Variants in PTPRN2 observed in about 807,000 individuals in gnomAD.
PTPRN2 encodes protein tyrosine phosphatase receptor type N2.
A neutral mutation model predicts 118.8 loss-of-function variants in PTPRN2; 74 were observed. That is an observed-to-expected ratio of 0.62 (90% CI 0.52 to 0.76). The LOEUF (loss-of-function observed/expected upper bound fraction) is 0.76. Ranked by LOEUF, PTPRN2 falls within the 30% of genes least tolerant of loss-of-function variation. PTPRN2 has a pLI of 0.00. For missense variants in PTPRN2, 1,481 were observed against 1,394.4 expected (o/e 1.06, Z -0.99); for synonymous variants, 641 against 608.0 (o/e 1.05, Z -0.80).
intron 12 of PTPRN2, among the ~76,000 whole-genome samples, chr7:157,782,347 T>C (rs1803731046): frequency 6.6e-6 from 1 of 152,220 alleles, no homozygotes; most frequent in Admixed American, 6.5e-5. Flanking sequence ...TTGGGATGCA[T>C]GCAGTGCCAG....
At chr7:157,647,010 T>C (rs1342680190) in intron 14 of PTPRN2, among the ~76,000 whole-genome samples, 27 of 109,006 alleles carry the variant, frequency 2.5e-4, no homozygotes, top group Middle Eastern at 8.2e-3. Flanking sequence ...TCGGACCCAT[T>C]CACTGTGCAC....
chr7:157,876,787 G>A (rs1474452015), intron 12 of PTPRN2, among the ~76,000 whole-genome samples: 1 of 152,224 alleles, frequency 6.6e-6, no homozygotes, highest in African/African-American at 2.4e-5. Context: ...GGAAGGTCGG[G>A]GCAGCTGCTG....
chr7:158,381,391 C>G (rs1293463833), intron 2 of PTPRN2, among the ~76,000 whole-genome samples: 1 of 152,202 alleles, frequency 6.6e-6, no homozygotes, highest in East Asian at 1.9e-4. Context: ...ATGTCTAGGA[C>G]AGGGGCAAAA....
intron 11 of PTPRN2, among the ~76,000 whole-genome samples, chr7:157,967,303 C>T (rs1350075431): frequency 6.6e-6 from 1 of 152,192 alleles, no homozygotes; most frequent in African/African-American, 2.4e-5. Flanking sequence ...GAGTGAGACC[C>T]TATCTCTTCA....
chr7:157,635,927 T>C (rs2150681542), intron 14 of PTPRN2, among the ~76,000 whole-genome samples: 1 of 152,374 alleles, frequency 6.6e-6, no homozygotes, highest in South Asian at 2.1e-4. Flanking sequence ...AAATATTCAT[T>C]CACTTTCAAA....
intron 2 of PTPRN2, among the ~76,000 whole-genome samples, chr7:158,336,930 T>C (rs1484683620): frequency 9.7e-6 from 1 of 103,348 alleles, no homozygotes. Context: ...CAGACGTCAC[T>C]CACACCCACA....
rs73729678 is a variant in PTPRN2 at position 158,526,890 on chromosome 7, T to C, written c.113-37105A>G. On this transcript the variant is annotated intron_variant, in intron 1 of 22. Transcript: ENST00000389418. This position sits in a 1 kb window ranked among gnomAD's most constrained non-coding sequence, Gnocchi z 5.2. The stretch of plus-strand genomic sequence containing the variant: ...CTGTTGTTTGCTAAGCCGCCTGGTT[T>C]GTGGGGGTTTGTTAGGGAGACTGAG... Among the ~76,000 whole-genome samples, 5,413 of 152,204 alleles carry C rather than the reference T, an allele frequency of 0.036. 314 individuals carry two copies. The highest frequency in any genetic ancestry group is 0.12 in the African/African-American group (4,897 of 41,502).
At chr7:157,848,124 CATCAT>C (rs1338179696) in intron 12 of PTPRN2, among the ~76,000 whole-genome samples, 1 of 148,990 alleles carries the variant, frequency 6.7e-6, no homozygotes, top group Non-Finnish European at 1.5e-5. Flanking sequence ...TCTTTCATTA[CATCAT>C]GTGTGCCTGA....
Position 157,880,358 on chromosome 7 carries a change from G to A in PTPRN2, c.1788+18315C>T, listed in dbSNP as rs112681198. On this transcript the variant is annotated intron_variant, in intron 12 of 22. Transcript: ENST00000389418. ...AAAGGCTTCTATCAGGAAATACATCGCAAAGGAAAAGACAACACTGCCAAA... is the reference window on the plus strand; with the variant it reads ...AAAGGCTTCTATCAGGAAATACATCACAAAGGAAAAGACAACACTGCCAAA... Among the ~76,000 whole-genome samples, 1,166 of 152,270 alleles carry A rather than the reference G, an allele frequency of 7.7e-3. 15 individuals carry two copies. The highest frequency in any genetic ancestry group is 0.025 in the African/African-American group (1,029 of 41,560).
intron 12 of PTPRN2, among the ~76,000 whole-genome samples, chr7:157,803,423 G>A (rs942438782): frequency 1.3e-5 from 2 of 152,192 alleles, no homozygotes; most frequent in African/African-American, 4.8e-5. Context: ...TGCTGATGCA[G>A]GAGCTCACTG....
chr7:158,070,957 T>A (rs1340299302), intron 11 of PTPRN2, among the ~76,000 whole-genome samples: 1 of 100,776 alleles, frequency 9.9e-6, no homozygotes, highest in African/African-American at 4.6e-5. Flanking sequence ...CCCGTGGTGG[T>A]GGAGGTGCTC....
intron 12 of PTPRN2, among the ~76,000 whole-genome samples, chr7:157,809,712 C>T (rs1055204624): frequency 7.2e-5 from 11 of 152,168 alleles, no homozygotes; most frequent in Non-Finnish European, 1.5e-4. Flanking sequence ...CACAGAGAGT[C>T]GCCCGAGAGC....
chr7:157,545,331 T>TG (rs1221139383), intron 22 of PTPRN2, among the ~76,000 whole-genome samples: 78 of 147,708 alleles, frequency 5.3e-4, no homozygotes, highest in African/African-American at 8.6e-4. Context: ...TGTAGGTGTG[T>TG]GTGGGGGGTG....
chr7:158,396,486 T>G (rs916275197), intron 2 of PTPRN2, among the ~76,000 whole-genome samples: 1 of 151,210 alleles, frequency 6.6e-6, no homozygotes, highest in Admixed American at 6.6e-5. Context: ...TTTGTTCACA[T>G]GCATGCACAT....
intron 14 of PTPRN2, among the ~76,000 whole-genome samples, chr7:157,643,325 G>A (rs1397104969): frequency 1.3e-5 from 2 of 152,142 alleles, no homozygotes; most frequent in African/African-American, 4.8e-5. Context: ...GCACTAGCAT[G>A]GCTCTAGCAT....
chr7:158,332,012 A>G (rs1195754333), intron 2 of PTPRN2, among the ~76,000 whole-genome samples: 1 of 151,132 alleles, frequency 6.6e-6, no homozygotes, highest in Non-Finnish European at 1.5e-5. Context: ...AAGAGCTGAC[A>G]ACCGCAAACG....
intron 11 of PTPRN2, among the ~76,000 whole-genome samples, chr7:158,001,382 A>G (rs1805249407): frequency 6.6e-6 from 1 of 152,002 alleles, no homozygotes; most frequent in East Asian, 1.9e-4. Flanking sequence ...GTTCACGTGC[A>G]AAGAATGGGA....
At chr7:158,117,566 C>A (rs181082833) in intron 9 of PTPRN2, among the ~76,000 whole-genome samples, 166 of 152,176 alleles carry the variant, frequency 1.1e-3, no homozygotes, top group African/African-American at 3.7e-3. Flanking sequence ...TATAAGCATC[C>A]AAGAAGCTCA....
chr7:158,299,010 C>T (rs77270089), intron 3 of PTPRN2, among the ~76,000 whole-genome samples: 1,787 of 152,242 alleles, frequency 0.012, 38 homozygotes, highest in African/African-American at 0.041. Context: ...GGGTGCAGCT[C>T]AGCCCGTTTT....
Sources: gnomAD v4.1 joint callset for allele counts (sites outside exome capture counted in the v4.1 genomes callset) on GRCh38, gnomAD v4.1.1 for gene constraint, Gnocchi (gnomAD v3.1) non-coding constraint, MANE v1.5 for transcripts, NCBI Gene and HGNC (gene_info 2026-07-23, HGNC 2026-07-21) for gene names.